The following BPIFB1 variants were observed in gnomAD, a reference collection of about 807,000 sequenced individuals.
BPIFB1 encodes BPI fold containing family B member 1, also known as BPI fold-containing family B member 1.
A neutral mutation model predicts 55.1 loss-of-function variants in BPIFB1; 34 were observed. The observed-to-expected ratio is 0.62, with a 90% confidence interval of 0.47 to 0.82. The LOEUF (loss-of-function observed/expected upper bound fraction) is 0.82, where lower values mean the gene tolerates loss of function less well. Ranked by LOEUF, BPIFB1 falls within the 40% of genes least tolerant of loss-of-function variation. BPIFB1 has a pLI of 0.00. For synonymous variants in BPIFB1, 236 were observed against 245.3 expected, an observed-to-expected ratio of 0.96 and a Z score of 0.35; for missense variants, 532 against 593.1, an observed-to-expected ratio of 0.90 and a Z score of 1.07.
At chr20:33,288,194 C>T (rs1391721288) in intron 2 of BPIFB1, among the ~76,000 whole-genome samples, 2 of 152,212 alleles carry the variant, frequency 1.3e-5, no homozygotes, top group East Asian at 1.9e-4. Context: ...GCCAGATGGG[C>T]TCTAGCTGCT....
intron 11 of BPIFB1, 58 bp from the exon 12 acceptor site, chr20:33,303,900 C>G: frequency 1.3e-6 from 2 of 1,574,764 alleles, no homozygotes; most frequent in South Asian, 2.2e-5. Flanking sequence ...TGCATAACCC[C>G]TAATTCCACA....
intron 12 of BPIFB1, among the ~76,000 whole-genome samples, chr20:33,304,361 C>T (rs1980950650): frequency 6.6e-6 from 1 of 152,250 alleles, no homozygotes; most frequent in Non-Finnish European, 1.5e-5. Flanking sequence ...CTCCCCGCCA[C>T]TTTCCTGTGG....
At chr20:33,299,275 A>G (rs1203736541) in intron 7 of BPIFB1, 1 of 424,652 alleles carries the variant, frequency 2.4e-6, no homozygotes, top group Non-Finnish European at 4.9e-6. Context: ...CCTCGGCCAT[A>G]CACCGGGGCA....
intron 6 of BPIFB1, among the ~76,000 whole-genome samples, chr20:33,292,253 G>T (rs1329077545): frequency 6.6e-6 from 1 of 152,166 alleles, no homozygotes; most frequent in Non-Finnish European, 1.5e-5. Flanking sequence ...TCTCTGGAGG[G>T]GTTGTTGAAG....
At chr20:33,301,506 C>G in intron 9 of BPIFB1, 94 bp downstream of exon 9, 3 of 1,221,050 alleles carry the variant, frequency 2.5e-6, no homozygotes, top group Non-Finnish European at 3.5e-6. Flanking sequence ...AATCCTCCAT[C>G]AGGCTCAGTT....
At chr20:33,286,363 T>C (rs1980266570) in intron 2 of BPIFB1, among the ~76,000 whole-genome samples, 175 bp downstream of exon 2, 1 of 151,816 alleles carries the variant, frequency 6.6e-6, no homozygotes, top group Non-Finnish European at 1.5e-5. Flanking sequence ...ATCTCAAGAG[T>C]CCACGATTCC....
At chr20:33,299,003 TTTTTTC>T in intron 7 of BPIFB1, 1 of 278,628 alleles carries the variant, frequency 3.6e-6, no homozygotes, top group African/African-American at 2.4e-5. Flanking sequence ...GAGACGGACC[TTTTTTC>T]TTTTTTTAAA....
In BPIFB1 at chr20:33,306,002, C is replaced by A; in HGVS notation, c.1255C>A (p.Pro419Thr). 6.2e-7 allele frequency: 1 copy of A among 1,614,108 alleles called. No individual in the cohort carries two copies. Among genetic ancestry groups the A allele is most frequent in the Non-Finnish European group, 8.5e-7 (1 of 1,179,990 alleles). ...ACAGTGCCCCTTCTCTCTCTCACAG[C>A]CTGATGTTCTGAAAAACATCATCAC... is the stretch of plus-strand genomic sequence containing the variant. ...LMNSGIGWFQ[P>T]DVLKNIITEI... The change falls in exon 14 of 16, where the codon CCT (proline) becomes ACT (threonine). Residue 419 changes from proline to threonine, a missense_variant and splice_region_variant. Pro to Thr is a conservative substitution (Grantham distance 38, BLOSUM62 -1). Transcript: ENST00000253354.
chr20:33,284,823 G>A (rs1980213692), intron 1 of BPIFB1, among the ~76,000 whole-genome samples: 1 of 152,096 alleles, frequency 6.6e-6, no homozygotes, highest in Non-Finnish European at 1.5e-5. Context: ...CAGCCAAGGG[G>A]CCAGAATACC....
In BPIFB1 at chr20:33,288,706, C is replaced by T. The variant is rs367705404; in HGVS notation, c.116-35C>T. The T allele has an allele frequency of 4.4e-6, 7 of 1,602,148 alleles. No individual in the cohort carries two copies. The African/African-American group carries it at 8.0e-5, about 18-fold the overall frequency. The stretch of plus-strand genomic sequence containing the variant: ...CCACCAAGCCTTCCTTCTTGCCCCT[C>T]CTCCTGGGCCCTAATCCCTGGGGTC... On this transcript the variant is annotated intron_variant, in intron 2 of 15. Transcript: ENST00000253354.
chr20:33,301,452 C>T (rs763149061), intron 9 of BPIFB1, 40 bp downstream of exon 9: 4 of 1,579,106 alleles, frequency 2.5e-6, no homozygotes, highest in Non-Finnish European at 3.5e-6. Context: ...GCCGCCCAGG[C>T]CACATCATAG....
intron 2 of BPIFB1, among the ~76,000 whole-genome samples, 179 bp downstream of exon 2, chr20:33,286,367 C>T (rs987936141): frequency 2.6e-5 from 4 of 152,204 alleles, no homozygotes; most frequent in Admixed American, 6.5e-5. Context: ...CAAGAGTCCA[C>T]GATTCCAAGA....
At chr20:33,299,309 C>A in intron 7 of BPIFB1, 1 of 397,676 alleles carries the variant, frequency 2.5e-6, no homozygotes, top group Non-Finnish European at 5.2e-6. Context: ...CGCCACCTGG[C>A]GGCCAAGTGG....
chr20:33,292,606 C>T (rs1356877518), intron 6 of BPIFB1, among the ~76,000 whole-genome samples: 1 of 152,212 alleles, frequency 6.6e-6, no homozygotes, highest in Non-Finnish European at 1.5e-5. Flanking sequence ...AATTGGTTCT[C>T]AAAAGCTAGT....
chr20:33,300,501 T>C (rs1233205161), intron 8 of BPIFB1, among the ~76,000 whole-genome samples: 1 of 152,210 alleles, frequency 6.6e-6, no homozygotes, highest in Non-Finnish European at 1.5e-5. Flanking sequence ...CAGCTCCCTG[T>C]CCAATGTGGA....
chr20:33,283,451 A>G (rs576323794), intron 1 of BPIFB1, among the ~76,000 whole-genome samples, 197 bp downstream of exon 1: 1 of 152,284 alleles, frequency 6.6e-6, no homozygotes, highest in African/African-American at 2.4e-5. Flanking sequence ...AAGGGCAGTG[A>G]CGAAGGGATG....
At chr20:33,307,033 C>A in intron 15 of BPIFB1, 46 bp downstream of exon 15, 2 of 1,547,904 alleles carry the variant, frequency 1.3e-6, no homozygotes, top group Non-Finnish European at 8.9e-7. Context: ...GAGGGCACAG[C>A]CACTGAGAGC....
rs776546236 is a variant in BPIFB1 at position 33,291,989 on chromosome 20, G to A, written c.597+1G>A. On this transcript the variant is annotated splice_donor_variant, in intron 6 of 15. Transcript: ENST00000253354. LOFTEE classifies it high-confidence loss of function. ...CCTGCCCAATCTAGTGAAAAACCAG[G>A]TGAGTGGAATCAGGGCCTCTCTGGC... 1.2e-6 allele frequency: 2 copies of A among 1,614,032 alleles called. No homozygotes were observed. Among genetic ancestry groups the A allele is most frequent in the African/African-American group, 2.7e-5 (2 of 74,936 alleles).
At chr20:33,304,085 A>G (rs1478348737) in intron 12 of BPIFB1, 60 bp downstream of exon 12, 23 of 1,507,600 alleles carry the variant, frequency 1.5e-5, no homozygotes, top group Non-Finnish European at 1.7e-5. Flanking sequence ...CCTGGTAACC[A>G]TGGGTTTCTT....
Sources: gnomAD v4.1 joint callset for allele counts (sites outside exome capture counted in the v4.1 genomes callset) on GRCh38, gnomAD v4.1.1 for gene constraint, MANE v1.5 for transcripts, NCBI Gene and HGNC (gene_info 2026-07-23, HGNC 2026-07-21) for gene names.